KIF3C: variants seen among roughly 807,000 people sequenced by gnomAD.
KIF3C encodes the protein kinesin-like protein KIF3C.
In KIF3C, 12 loss-of-function variants were observed where a neutral mutation model predicts 67.7. The observed-to-expected ratio is 0.18, with a 90% CI of 0.11 to 0.29. The LOEUF is 0.29. Among genes scored for constraint, KIF3C ranks in the 10% least tolerant of loss-of-function variants. The pLI, the probability that KIF3C is intolerant of heterozygous loss-of-function variation, is 1.00. For missense variants in KIF3C, 789 were observed against 1,059.6 expected, an observed-to-expected ratio of 0.74 and a Z score of 3.55; for synonymous variants, 393 against 426.2, an observed-to-expected ratio of 0.92 and a Z score of 0.96.
chr2:25,963,827 G>C (rs1664072921), intron 1 of KIF3C, among the ~76,000 whole-genome samples: 1 of 151,556 alleles, frequency 6.6e-6, no homozygotes, highest in African/African-American at 2.4e-5. Context: ...TGAGTAGCTG[G>C]GATTACAGAT....
intron 1 of KIF3C, among the ~76,000 whole-genome samples, chr2:25,972,873 C>T (rs1029741194): frequency 6.6e-6 from 1 of 152,102 alleles, no homozygotes; most frequent in African/African-American, 2.4e-5. Flanking sequence ...TATTGTCCCC[C>T]TCTATTTCTC....
At chr2:25,979,171 T>C (rs887086398) in intron 1 of KIF3C, among the ~76,000 whole-genome samples, 1 of 152,106 alleles carries the variant, frequency 6.6e-6, no homozygotes, top group Non-Finnish European at 1.5e-5. Context: ...CCACCCCTAG[T>C]GTTGAAGGCT....
chr2:25,932,607 C>T (rs1019384562), intron 5 of KIF3C, among the ~76,000 whole-genome samples: 9 of 147,242 alleles, frequency 6.1e-5, no homozygotes, highest in East Asian at 4.3e-4. Flanking sequence ...CCGAGGCAGG[C>T]GGATCACCTG....
chr2:25,968,605 C>A (rs902549325), intron 1 of KIF3C, among the ~76,000 whole-genome samples: 6 of 152,088 alleles, frequency 3.9e-5, no homozygotes, highest in Admixed American at 3.9e-4. Flanking sequence ...ACTGGATGAA[C>A]CTAAGGATAT....
At chr2:25,950,097 G>A (rs1033632679) in intron 5 of KIF3C, among the ~76,000 whole-genome samples, 1 of 151,688 alleles carries the variant, frequency 6.6e-6, no homozygotes, top group Non-Finnish European at 1.5e-5. Context: ...TCACCACGTT[G>A]GCCAGGCTGG....
chr2:25,978,103 G>T (rs13003310), intron 1 of KIF3C, among the ~76,000 whole-genome samples: 45,522 of 151,968 alleles, frequency 0.3, 7,429 homozygotes, highest in Non-Finnish European at 0.37. Context: ...AAAGGCGGTT[G>T]CCCTGAGTCA....
At position 25,928,970 on chromosome 2, in the gene KIF3C, G is replaced by A. The variant is rs535558795; in HGVS notation, c.*8C>T. 4.9e-4 allele frequency: 782 copies of A among 1,611,510 alleles called. 10 individuals carry two copies. In the South Asian group the frequency reaches 7.9e-3, roughly 16 times the overall value. On this transcript the variant is annotated 3_prime_UTR_variant, in exon 8 of 8. Coordinates refer to ENST00000264712, the MANE Select transcript of KIF3C (RefSeq NM_002254.8). ...GTCTATTGGATGGGCAGCCTGACGT[G>A]ATGGTTGTCACTCATGGTCCGCCAC...
intron 1 of KIF3C, among the ~76,000 whole-genome samples, chr2:25,969,307 C>A (rs1664221762): frequency 6.6e-6 from 1 of 152,066 alleles, no homozygotes; most frequent in Non-Finnish European, 1.5e-5. Context: ...TATATGTCCC[C>A]CCCGTCTTTT....
chr2:25,928,793 A>G lies in KIF3C; in HGVS notation c.*185T>C, dbSNP rs2090432391. 1.7e-6 allele frequency: 1 copy of G among 571,548 alleles called. No individual in the cohort carries two copies. The highest frequency in any genetic ancestry group is 3.1e-6 in the Non-Finnish European group (1 of 322,008). 35.4% of individuals were successfully genotyped at this position (571,548 alleles called of 1,614,324 possible). A position where few individuals can be genotyped will look rare whatever the true frequency, so the allele number is the denominator to read the frequency against. On this transcript the variant is annotated 3_prime_UTR_variant, in exon 8 of 8. Transcript: ENST00000264712. ...ACGAACAGAGCTCCGCGAATAAATA[A>G]CATGAATTAAATAAAGGAGGCGAAG...
intron 5 of KIF3C, among the ~76,000 whole-genome samples, chr2:25,930,514 A>G (rs1241977073): frequency 6.6e-6 from 1 of 151,994 alleles, no homozygotes; most frequent in Non-Finnish European, 1.5e-5. Flanking sequence ...ATGCACCACC[A>G]CACCTGGCTA....
rs762071280 is a variant in KIF3C, at chr2:25,981,258, G to A, written c.660C>T (p.Phe220=). ...NEVSSRSHAI[F]IITVECSERG... is the part of the protein sequence containing the mutation. ...GTTCGCTGCACTCCACAGTGATGAT[G>A]AAGATGGCATGGGAGCGGGAGCTGA... The change falls in exon 1 of 8, where the codon TTC becomes TTT. Residue 220 remains phenylalanine (F), a synonymous_variant. Transcript: ENST00000264712. The surrounding 1 kb of genome is among the most constrained non-coding windows in gnomAD (Gnocchi z 8.2). 1.2e-6 allele frequency: 2 copies of A among 1,614,104 alleles called. No individual in the cohort carries two copies. Among genetic ancestry groups the A allele is most frequent in the African/African-American group, 1.3e-5 (1 of 74,946 alleles).
In KIF3C at chr2:25,980,657, A is replaced by G; in HGVS notation, c.1261T>C (p.Tyr421His). The G allele has an allele frequency of 1.2e-6, 2 of 1,613,890 alleles. No individual in the cohort carries two copies. The highest frequency in any genetic ancestry group is 1.1e-5 in the South Asian group (1 of 91,072). The change falls in exon 1 of 8, where the codon TAC (tyrosine) becomes CAC (histidine). Residue 421 changes from tyrosine to histidine, a missense_variant. Coordinates refer to ENST00000264712, the MANE Select transcript of KIF3C (RefSeq NM_002254.8). The surrounding 1 kb of genome is among the most constrained non-coding windows in gnomAD (Gnocchi z 7.6). Reference sequence around the variant, plus strand: ...GCCTCAATCACTGGGCCCTCAGGGTACCCAGGCGGGGCGGACACGGCCTTC... The same window carrying G: ...GCCTCAATCACTGGGCCCTCAGGGTGCCCAGGCGGGGCGGACACGGCCTTC... Reference protein sequence around the residue: ...RKKAVSAPPGYPEGPVIEAWV... With the variant: ...RKKAVSAPPGHPEGPVIEAWV...
At chr2:25,960,662 C>T (rs963415776) in intron 1 of KIF3C, among the ~76,000 whole-genome samples, 2 of 152,104 alleles carry the variant, frequency 1.3e-5, no homozygotes, top group Admixed American at 6.5e-5. Flanking sequence ...TCCAGCTGAG[C>T]AGGATGGCTT....
intron 1 of KIF3C, among the ~76,000 whole-genome samples, chr2:25,959,454 TG>T (rs781279707): frequency 7.9e-5 from 12 of 151,998 alleles, no homozygotes; most frequent in Non-Finnish European, 1.8e-4. Context: ...TGTCCCAGAG[TG>T]GGTTCCAGGT....
At chr2:25,966,975 C>T (rs539680309) in intron 1 of KIF3C, among the ~76,000 whole-genome samples, 1 of 152,190 alleles carries the variant, frequency 6.6e-6, no homozygotes, top group Non-Finnish European at 1.5e-5. Flanking sequence ...CAGTAAATGG[C>T]AGAGTGATAT....
At position 25,972,904 on chromosome 2, in the gene KIF3C, C is replaced by T. The variant is rs144250119; in HGVS notation, c.1545+7469G>A. ...TTCTCTCTTGCTTTTCTCCTATTAT[C>T]TCTCTCTTTCTCTCTTCTCTTCTTC... is the stretch of plus-strand genomic sequence containing the variant. On this transcript the variant is annotated intron_variant, in intron 1 of 7. Transcript: ENST00000264712. Among the ~76,000 whole-genome samples the T allele has an allele frequency of 1.8e-3, 271 of 152,116 alleles. 2 individuals carry two copies. Among genetic ancestry groups the T allele is most frequent in the African/African-American group, 5.9e-3 (246 of 41,490 alleles).
At position 25,946,221 on chromosome 2, in the gene KIF3C, C is replaced by T. The variant is rs972928908; in HGVS notation, c.2006+5568G>A. On this transcript the variant is annotated intron_variant, in intron 5 of 7. Coordinates refer to ENST00000264712, the MANE Select transcript of KIF3C (RefSeq NM_002254.8). ...TGGCAAAGAACTGACTCTCTTTTCA[C>T]AACTTTCCCTGCTCAAGGACAGTGG... Among the ~76,000 whole-genome samples the T allele has an allele frequency of 6.6e-5, 10 of 152,306 alleles. No homozygotes were observed. In the East Asian group the frequency reaches 1.7e-3, roughly 26 times the overall value.
At chr2:25,941,093 C>G (rs571861047) in intron 5 of KIF3C, among the ~76,000 whole-genome samples, 2 of 151,172 alleles carry the variant, frequency 1.3e-5, no homozygotes, top group Admixed American at 6.6e-5. Context: ...CTCAGGAGTT[C>G]GAGACCAGCC....
chr2:25,981,188 G>C lies in KIF3C; in HGVS notation c.730C>G (p.Leu244Val). ...QDHIRVGKLN[L>V]VDLAGSERQN... Reference sequence around the variant, plus strand: ...CTCTCGCTGCCAGCCAGGTCCACGAGGTTGAGCTTGCCCACTCGGATGTGG... The same window carrying C: ...CTCTCGCTGCCAGCCAGGTCCACGACGTTGAGCTTGCCCACTCGGATGTGG... The change falls in exon 1 of 8, where the codon CTC becomes GTC. Residue 244 changes from leucine to valine, a missense_variant. This residue lies in a region of KIF3C where 648 missense variants were observed against 807.8 expected (regional missense o/e 0.80). Transcript: ENST00000264712. This position sits in a 1 kb window ranked among gnomAD's most constrained non-coding sequence, Gnocchi z 8.2. The C allele has an allele frequency of 6.2e-7, 1 of 1,614,116 alleles. No individual in the cohort carries two copies.
Sources: allele counts gnomAD v4.1 joint callset (sites outside exome capture counted in the v4.1 genomes callset), GRCh38; gene constraint gnomAD v4.1.1; regional missense constraint gnomAD v4.1.1; non-coding constraint Gnocchi (gnomAD v3.1); transcripts MANE v1.5; gene names NCBI Gene and HGNC (gene_info 2026-07-23, HGNC 2026-07-21).